PPM1G: variants seen among roughly 807,000 people sequenced by gnomAD.
PPM1G encodes the protein protein phosphatase, Mg2+/Mn2+ dependent 1G, also known as protein phosphatase 1G.
In PPM1G, 12 loss-of-function variants were observed where a neutral mutation model predicts 59.4. The observed-to-expected ratio is 0.20, with a 90% confidence interval of 0.13 to 0.33. The LOEUF (loss-of-function observed/expected upper bound fraction) is 0.33. PPM1G is among the 10% of genes least tolerant of loss of function. The pLI is 1.00. For synonymous variants in PPM1G, 245 were observed against 251.9 expected (o/e 0.97, Z 0.26); for missense variants, 392 against 681.3 (o/e 0.58, Z 4.73).
intron 1 of PPM1G, among the ~76,000 whole-genome samples, chr2:27,396,518 T>G (rs1370558134): frequency 6.6e-6 from 1 of 150,812 alleles, no homozygotes; most frequent in Non-Finnish European, 1.5e-5. Context: ...AACTGTACAT[T>G]AAAAAAATTT....
chr2:27,390,890 TTGA>T (rs1293042018), intron 1 of PPM1G, among the ~76,000 whole-genome samples: 1 of 150,464 alleles, frequency 6.6e-6, no homozygotes, highest in Non-Finnish European at 1.5e-5. Context: ...CCATGTGTAC[TTGA>T]TGTTCAGCTC....
chr2:27,393,249 T>C (rs1683961173), intron 1 of PPM1G: 1 of 1,582,328 alleles, frequency 6.3e-7, no homozygotes, highest in Non-Finnish European at 8.6e-7. Context: ...GTCAAAGTAG[T>C]AAGCCACGCA....
chr2:27,393,471 C>T (rs1683969495), intron 1 of PPM1G: 1 of 789,190 alleles, frequency 1.3e-6, no homozygotes, highest in Non-Finnish European at 2.1e-6. Flanking sequence ...GAAGAGGTGA[C>T]GGAGGGCTGG....
Position 27,382,423 on chromosome 2 carries a change from A to G in PPM1G, c.1331+53T>C. On this transcript the variant is annotated intron_variant, in intron 8 of 9. Transcript: ENST00000344034. The surrounding 1 kb of genome is among the most constrained non-coding windows in gnomAD (Gnocchi z 4.2). ...ATCCTAGAGGTGCCCTGAGTCCTATAAGAGAAGACATGCTGCAGAAAGGGG... is the reference window on the plus strand; with the variant it reads ...ATCCTAGAGGTGCCCTGAGTCCTATGAGAGAAGACATGCTGCAGAAAGGGG... 1 of 1,610,446 alleles carries G rather than the reference A, an allele frequency of 6.2e-7. No homozygotes were observed. The highest frequency in any genetic ancestry group is 1.3e-5 in the African/African-American group (1 of 74,900).
intron 1 of PPM1G, among the ~76,000 whole-genome samples, chr2:27,406,871 C>T (rs1663383052): frequency 6.6e-6 from 1 of 152,024 alleles, no homozygotes; most frequent in African/African-American, 2.4e-5. Context: ...AATCTCACAA[C>T]GTTAACAGAA....
chr2:27,397,446 T>A (rs901001213), intron 1 of PPM1G, among the ~76,000 whole-genome samples: 3 of 152,090 alleles, frequency 2.0e-5, no homozygotes, highest in Non-Finnish European at 2.9e-5. Flanking sequence ...AACAAAATAG[T>A]AGCAAACTAA....
chr2:27,394,043 T>C (rs1272348217), intron 1 of PPM1G, among the ~76,000 whole-genome samples: 1 of 152,066 alleles, frequency 6.6e-6, no homozygotes, highest in Non-Finnish European at 1.5e-5. Context: ...ATTACAGGCA[T>C]GAGCCACCGC....
chr2:27,407,647 T>A (rs1663413787), intron 1 of PPM1G, among the ~76,000 whole-genome samples: 2 of 152,220 alleles, frequency 1.3e-5, no homozygotes, highest in South Asian at 4.1e-4. Flanking sequence ...ATGCTTCAGT[T>A]TGACATAGAT....
chr2:27,390,546 C>T (rs1461356519), intron 1 of PPM1G, among the ~76,000 whole-genome samples: 1 of 152,108 alleles, frequency 6.6e-6, no homozygotes, highest in Non-Finnish European at 1.5e-5. Flanking sequence ...ATAGTGAGAC[C>T]TCATCTCAAC....
In PPM1G at chr2:27,382,623, T is replaced by C. The variant is rs751357534; in HGVS notation, c.1202-18A>G. 5.0e-6 allele frequency: 8 copies of C among 1,613,890 alleles called. No homozygotes were observed. In the Admixed American group the frequency reaches 1.2e-4, roughly 24 times the overall value. On this transcript the variant is annotated intron_variant, in intron 7 of 9. Transcript: ENST00000344034. The surrounding 1 kb of genome is among the most constrained non-coding windows in gnomAD (Gnocchi z 4.2). ...GTGGTCCCCTGGAGTAAAGGAATGG[T>C]TGATGAGCAGTTTGGATACTTCCCA...
At chr2:27,408,047 C>CAA (rs769897290) in intron 1 of PPM1G, among the ~76,000 whole-genome samples, 1 of 116,368 alleles carries the variant, frequency 8.6e-6, no homozygotes, top group South Asian at 2.7e-4. Flanking sequence ...AATTCTGTCT[C>CAA]AAAAAAAAAA....
chr2:27,393,338 G>A (rs1223324133), intron 1 of PPM1G: 14 of 1,597,106 alleles, frequency 8.8e-6, no homozygotes, highest in African/African-American at 2.7e-5. Context: ...GGTAGTTCTG[G>A]CGCACCTGCG....
At position 27,381,807 on chromosome 2, in the gene PPM1G, TAAGA is replaced by T; in HGVS notation, c.1435-6_1435-3del. ...TGGTGCCAGGCACTGATCCAGCAGC[TAAGA>T]AAGGGATGGGGGTAGCTCAGCCACA... On this transcript the variant is annotated splice_region_variant and splice_polypyrimidine_tract_variant and intron_variant, in intron 9 of 9. Coordinates refer to ENST00000344034, the MANE Select transcript of PPM1G (RefSeq NM_177983.3). 6.8e-6 allele frequency: 11 copies of T among 1,612,162 alleles called. No homozygotes were observed. Among genetic ancestry groups the T allele is most frequent in the Non-Finnish European group, 8.5e-6 (10 of 1,179,848 alleles).
intron 1 of PPM1G, among the ~76,000 whole-genome samples, chr2:27,400,381 G>A (rs577574132): frequency 2.3e-3 from 349 of 152,186 alleles, no homozygotes; most frequent in Non-Finnish European, 3.6e-3. Context: ...CAGCCTGGGC[G>A]ACAGAGGGAG....
At chr2:27,405,411 T>C (rs1201121015) in intron 1 of PPM1G, among the ~76,000 whole-genome samples, 2 of 151,428 alleles carry the variant, frequency 1.3e-5, no homozygotes, top group Non-Finnish European at 2.9e-5. Flanking sequence ...ATCCACTTTT[T>C]TCATGGAGAA....
intron 1 of PPM1G, among the ~76,000 whole-genome samples, chr2:27,392,202 C>G (rs1334505047): frequency 6.6e-6 from 1 of 151,632 alleles, no homozygotes; most frequent in Admixed American, 6.6e-5. Context: ...TCCTGGCTGT[C>G]TTCCACCATC....
intron 3 of PPM1G, 122 bp downstream of exon 3, chr2:27,386,072 G>C (rs1683757675): frequency 8.0e-7 from 1 of 1,249,018 alleles, no homozygotes; most frequent in South Asian, 1.4e-5. Context: ...TTTAGGAACA[G>C]AATTCTTCAA....
chr2:27,385,163 G>GC lies in PPM1G; in HGVS notation c.410-76dup. The stretch of plus-strand genomic sequence containing the variant: ...ATCCGTCCCTCTCACTACCTCAACA[G>GC]CCCTTGCAGCCTCTAACTTCCCCAC... On this transcript the variant is annotated intron_variant, in intron 4 of 9. Transcript: ENST00000344034. This position sits in a 1 kb window ranked among gnomAD's most constrained non-coding sequence, Gnocchi z 4.1. 12 of 1,475,176 alleles carry GC rather than the reference G, an allele frequency of 8.1e-6. No homozygotes were observed. Among genetic ancestry groups the GC allele is most frequent in the Non-Finnish European group, 1.1e-5 (12 of 1,112,058 alleles). The allele number at this position is 1,475,176 out of a possible 1,614,324, so 91.4% of individuals were successfully genotyped here.
In PPM1G at chr2:27,387,305, T is replaced by A; in HGVS notation, c.121-147A>T. On this transcript the variant is annotated intron_variant, in intron 1 of 9. Coordinates refer to ENST00000344034, the MANE Select transcript of PPM1G (RefSeq NM_177983.3). Reference sequence around the variant, plus strand: ...AAGGAAGAAGGAATGATAAAATAAATACAGAGGAAGAAAAGAGGAGGGAGG... The same window carrying A: ...AAGGAAGAAGGAATGATAAAATAAAAACAGAGGAAGAAAAGAGGAGGGAGG... The A allele has an allele frequency of 3.3e-6, 2 of 612,292 alleles. No individual in the cohort carries two copies. The highest frequency in any genetic ancestry group is 5.8e-6 in the Non-Finnish European group (2 of 347,712). The allele number at this position is 612,292 out of a possible 1,614,324, so 37.9% of individuals were successfully genotyped here.
Sources: allele counts gnomAD v4.1 joint callset (sites outside exome capture counted in the v4.1 genomes callset), GRCh38; gene constraint gnomAD v4.1.1; non-coding constraint Gnocchi (gnomAD v3.1); transcripts MANE v1.5; gene names NCBI Gene and HGNC (gene_info 2026-07-23, HGNC 2026-07-21).